The following NISCH variants were observed in gnomAD, a reference collection of about 807,000 sequenced individuals.
NISCH encodes the protein I-1 receptor candidate protein.
In NISCH, 55 loss-of-function variants were observed where a neutral mutation model predicts 138.4. The ratio of observed to expected loss-of-function variants is 0.40; its 90% confidence interval spans 0.32 to 0.50. The LOEUF is 0.50. Among genes scored for constraint, NISCH ranks in the 20% least tolerant of loss-of-function variants. The pLI is 0.71. For synonymous variants in NISCH, 860 were observed against 861.5 expected (o/e 1.00, Z 0.03); for missense variants, 1,643 against 2,005.5 (o/e 0.82, Z 3.45).
chr3:52,480,627 G>T, intron 13 of NISCH: 2 of 1,425,216 alleles, frequency 1.4e-6, no homozygotes, highest in Non-Finnish European at 1.8e-6. Context: ...TCCCTCACCG[G>T]CAGCACAAGC....
intron 7 of NISCH, among the ~76,000 whole-genome samples, chr3:52,475,261 G>A (rs4687617): frequency 0.96 from 145,907 of 152,110 alleles, 70,028 homozygotes; most frequent in African/African-American, 0.99. Context: ...AGTGTGTTGG[G>A]CCACCTGGTC....
Position 52,491,368 on chromosome 3 carries a change from G to C in NISCH, c.3759G>C (p.Gln1253His). Reference protein sequence around the residue: ...HFRLTGSTPMQVVTCLTRDSY... With the variant: ...HFRLTGSTPMHVVTCLTRDSY... The stretch of plus-strand genomic sequence containing the variant: ...CTCGTGCAGGTTCCACCCCGATGCA[G>C]GTGGTCACGTGCTTGACGCGGGACA... The change falls in exon 20 of 21, where the codon CAG becomes CAC. Residue 1253 changes from glutamine to histidine, a missense_variant. Physicochemically the swap from Gln to His is conservative, Grantham distance 24. Coordinates refer to ENST00000345716, the MANE Select transcript of NISCH (RefSeq NM_007184.4). The C allele has an allele frequency of 1.2e-6, 2 of 1,612,380 alleles. No individual in the cohort carries two copies. Among genetic ancestry groups the C allele is most frequent in the Non-Finnish European group, 1.7e-6 (2 of 1,179,518 alleles).
In NISCH at chr3:52,487,784, G is replaced by T. The variant is rs917070582; in HGVS notation, c.2292G>T (p.Pro764=). Residue 764 remains proline (P), a synonymous_variant, in exon 16 of 21, where the codon CCG becomes CCT. Coordinates refer to ENST00000345716, the MANE Select transcript of NISCH (RefSeq NM_007184.4). This position sits in a 1 kb window ranked among gnomAD's most constrained non-coding sequence, Gnocchi z 9.1. Reference sequence around the variant, plus strand: ...CCCTGCGCTTTGTCTTTTGCTTCCCGCATGGCGACCTCACCGAGTTTGGCT... The same window carrying T: ...CCCTGCGCTTTGTCTTTTGCTTCCCTCATGGCGACCTCACCGAGTTTGGCT... ...LSSLRFVFCF[P]HGDLTEFGFL... is the part of the protein sequence containing the mutation. 6 of 1,613,412 alleles carry T rather than the reference G, an allele frequency of 3.7e-6. No individual in the cohort carries two copies. Among genetic ancestry groups the T allele is most frequent in the East Asian group, 2.2e-5 (1 of 44,878 alleles).
intron 3 of NISCH, among the ~76,000 whole-genome samples, chr3:52,459,483 G>A (rs917851045): frequency 1.4e-4 from 21 of 152,200 alleles, no homozygotes; most frequent in African/African-American, 4.8e-4. Flanking sequence ...ACCTAGGCTG[G>A]AGTGCAGTGG....
In NISCH at chr3:52,487,151, G is replaced by T. The variant is rs2153231711; in HGVS notation, c.1704-45G>T. 6.4e-7 allele frequency: 1 copy of T among 1,569,048 alleles called. No individual in the cohort carries two copies. Among genetic ancestry groups the T allele is most frequent in the East Asian group, 2.3e-5 (1 of 44,358 alleles). On this transcript the variant is annotated intron_variant, in intron 15 of 20. Transcript: ENST00000345716. The surrounding 1 kb of genome is among the most constrained non-coding windows in gnomAD (Gnocchi z 9.1). ...CAGATGTGGCAGGTGGGAGGTGGGA[G>T]GGGCCCCTCCCAGCATGCCACTGAC...
chr3:52,471,151 G>A (rs571777869), intron 4 of NISCH: 133 of 557,292 alleles, frequency 2.4e-4, no homozygotes, highest in African/African-American at 2.1e-3. Flanking sequence ...CTGCTCCCTC[G>A]CACCTGGTTT....
chr3:52,455,968 G>C (rs1706453928), intron 1 of NISCH, among the ~76,000 whole-genome samples: 1 of 143,598 alleles, frequency 7.0e-6, no homozygotes, highest in Non-Finnish European at 1.5e-5. Context: ...TACGCGATCA[G>C]AAAGGGAGGC....
chr3:52,479,968 G>T, intron 12 of NISCH, 106 bp downstream of exon 12: 1 of 1,023,372 alleles, frequency 9.8e-7, no homozygotes, highest in East Asian at 2.6e-5. Context: ...CCGAGTCCCA[G>T]CTGCGCCCCT....
intron 6 of NISCH, among the ~76,000 whole-genome samples, chr3:52,473,003 G>T (rs956869803): frequency 6.6e-6 from 1 of 152,246 alleles, no homozygotes. Flanking sequence ...GCCCCGTGAA[G>T]AGGGCACTTT....
chr3:52,471,052 A>G, intron 4 of NISCH, 145 bp downstream of exon 4: 1 of 747,704 alleles, frequency 1.3e-6, no homozygotes, highest in Non-Finnish European at 2.3e-6. Flanking sequence ...GTGGTCCTTC[A>G]GTACTCTTGA....
Position 52,492,552 on chromosome 3 carries a change from C to A in NISCH, c.*70C>A. 6.8e-7 allele frequency: 1 copy of A among 1,476,038 alleles called. No individual in the cohort carries two copies. 91.4% of individuals were successfully genotyped at this position (1,476,038 alleles called of 1,614,324 possible). A position where few individuals can be genotyped will look rare whatever the true frequency, so the allele number is the denominator to read the frequency against. ...GGGCAGGGCAGCAGGCTTTTGTGTT[C>A]TCTAAAAATGTTTTATCCTCCCTTT... On this transcript the variant is annotated 3_prime_UTR_variant, in exon 21 of 21. Coordinates refer to ENST00000345716, the MANE Select transcript of NISCH (RefSeq NM_007184.4).
At chr3:52,488,626 CAG>C (rs764868982) in intron 16 of NISCH, 21 bp downstream of exon 16, 64 of 1,586,132 alleles carry the variant, frequency 4.0e-5, no homozygotes, top group East Asian at 6.8e-5. Context: ...GCACAGCTCT[CAG>C]GGGCCCCGGG....
chr3:52,492,531 A>C lies in NISCH; in HGVS notation c.*49A>C. The C allele has an allele frequency of 6.6e-7, 1 of 1,516,802 alleles. No homozygotes were observed. Among genetic ancestry groups the C allele is most frequent in the East Asian group, 2.3e-5 (1 of 43,912 alleles). 94.0% of individuals were successfully genotyped at this position (1,516,802 alleles called of 1,614,324 possible). A position where few individuals can be genotyped will look rare whatever the true frequency, so the allele number is the denominator to read the frequency against. ...TGTCCAGCCTGACGCCTACTGGGGC[A>C]GGGCAGCAGGCTTTTGTGTTCTCTA... On this transcript the variant is annotated 3_prime_UTR_variant, in exon 21 of 21. Coordinates refer to ENST00000345716, the MANE Select transcript of NISCH (RefSeq NM_007184.4).
Position 52,487,315 on chromosome 3 carries a change from C to T in NISCH, c.1823C>T (p.Thr608Ile), listed in dbSNP as rs1707426329. 1 of 1,614,184 alleles carries T rather than the reference C, an allele frequency of 6.2e-7. No homozygotes were observed. Among genetic ancestry groups the T allele is most frequent in the Non-Finnish European group, 8.5e-7 (1 of 1,180,052 alleles). Reference protein sequence around the residue: ...TNQDFIQRLSTLIRQAIERQL... With the variant: ...TNQDFIQRLSILIRQAIERQL... ...CAGGACTTCATCCAGCGCCTGAGCA[C>T]ACTGATCCGGCAGGCCATCGAGCGG... The change falls in exon 16 of 21, where the codon ACA becomes ATA. Residue 608 changes from threonine (T) to isoleucine (I), a missense_variant. Thr to Ile is a moderately conservative substitution (Grantham distance 89, BLOSUM62 -1). Coordinates refer to ENST00000345716, the MANE Select transcript of NISCH (RefSeq NM_007184.4). This position sits in a 1 kb window ranked among gnomAD's most constrained non-coding sequence, Gnocchi z 9.1.
chr3:52,479,529 A>G (rs1707205062), intron 11 of NISCH, among the ~76,000 whole-genome samples: 1 of 152,078 alleles, frequency 6.6e-6, no homozygotes. Flanking sequence ...GGTCACTTCC[A>G]TGAGTAGTGA....
chr3:52,473,558 T>C (rs1707008237), intron 6 of NISCH, among the ~76,000 whole-genome samples, 176 bp from the exon 7 acceptor site: 1 of 152,154 alleles, frequency 6.6e-6, no homozygotes, highest in Non-Finnish European at 1.5e-5. Context: ...CAGGGAATGT[T>C]TGGTCGGCAC....
chr3:52,461,602 G>A (rs1361646721), intron 3 of NISCH, among the ~76,000 whole-genome samples: 1 of 152,148 alleles, frequency 6.6e-6, no homozygotes, highest in African/African-American at 2.4e-5. Flanking sequence ...AGTGGCTCAC[G>A]CCTGTAATCC....
rs1018739250 is a variant in NISCH at position 52,490,644 on chromosome 3, C to T, written c.3614-61C>T. On this transcript the variant is annotated intron_variant, in intron 18 of 20. Coordinates refer to ENST00000345716, the MANE Select transcript of NISCH (RefSeq NM_007184.4). Reference sequence around the variant, plus strand: ...ACCTGTTCCTGCTGGATGTGCTGCACACCTAGGAACCTTGTGCTTGCCTGC... The same window carrying T: ...ACCTGTTCCTGCTGGATGTGCTGCATACCTAGGAACCTTGTGCTTGCCTGC... The T allele has an allele frequency of 8.1e-6, 13 of 1,609,756 alleles. No individual in the cohort carries two copies. In the East Asian group the frequency reaches 1.3e-4, roughly 17 times the overall value.
intron 3 of NISCH, among the ~76,000 whole-genome samples, chr3:52,469,190 A>G (rs1036310074): frequency 6.6e-6 from 1 of 152,098 alleles, no homozygotes; most frequent in African/African-American, 2.4e-5. Flanking sequence ...TATGAGGATT[A>G]TGCAGCCTCC....
Sources: gnomAD v4.1 joint callset for allele counts (sites outside exome capture counted in the v4.1 genomes callset) on GRCh38, gnomAD v4.1.1 for gene constraint, Gnocchi (gnomAD v3.1) non-coding constraint, MANE v1.5 for transcripts, NCBI Gene and HGNC (gene_info 2026-07-23, HGNC 2026-07-21) for gene names.